The following FOXN3 variants were observed in gnomAD, a reference collection of about 807,000 sequenced individuals.
FOXN3 encodes forkhead box protein N3.
FOXN3 carries 7 observed loss-of-function variants against 38.4 expected under a neutral mutation model. The observed-to-expected ratio is 0.18, with a 90% confidence interval of 0.10 to 0.34. The LOEUF is 0.34. FOXN3 is among the 10% of genes least tolerant of loss of function. FOXN3 has a pLI of 1.00. For missense variants in FOXN3, 456 were observed against 613.4 expected (o/e 0.74, Z 2.71); for synonymous variants, 230 against 242.2 (o/e 0.95, Z 0.47).
intron 4 of FOXN3, among the ~76,000 whole-genome samples, chr14:89,226,867 A>G (rs1884656493): frequency 6.6e-6 from 1 of 152,222 alleles, no homozygotes; most frequent in Non-Finnish European, 1.5e-5. Context: ...CCAAGGAACT[A>G]CCAAAACCTC....
chr14:89,608,674 T>A (rs1480042274), intron 1 of FOXN3, among the ~76,000 whole-genome samples: 2 of 152,130 alleles, frequency 1.3e-5, no homozygotes, highest in Non-Finnish European at 2.9e-5. Context: ...CTGAGTTTGT[T>A]CCTCCTTCAT....
intron 2 of FOXN3, among the ~76,000 whole-genome samples, chr14:89,375,156 A>G (rs1890439554): frequency 6.6e-6 from 1 of 152,130 alleles, no homozygotes; most frequent in Non-Finnish European, 1.5e-5. Context: ...TTCATGATGA[A>G]ACTGTTCTAT....
chr14:89,616,226 G>A (rs1329476510), intron 1 of FOXN3, among the ~76,000 whole-genome samples: 3 of 151,890 alleles, frequency 2.0e-5, no homozygotes, highest in East Asian at 3.9e-4. Flanking sequence ...TAGGGGGAGG[G>A]GAGGTCTCCA....
At chr14:89,197,594 C>T (rs1405328914) in intron 4 of FOXN3, among the ~76,000 whole-genome samples, 3 of 152,104 alleles carry the variant, frequency 2.0e-5, no homozygotes, top group South Asian at 2.1e-4. Context: ...ATCCAGAGTG[C>T]TGGATAGTTA....
intron 3 of FOXN3, among the ~76,000 whole-genome samples, chr14:89,334,006 A>ATATATGTATG (rs1555418840): frequency 2.5e-3 from 124 of 49,236 alleles, no homozygotes; most frequent in African/African-American, 5.6e-3. Flanking sequence ...ATATATATAT[A>ATATATGTATG]TATGTATATA....
rs906443709 is a variant in FOXN3 at position 89,180,935 on chromosome 14, C to A, written c.746-129G>T. On this transcript the variant is annotated intron_variant, in intron 4 of 5. Coordinates refer to ENST00000557258, the MANE Select transcript of FOXN3 (RefSeq NM_005197.4). ...CAGAGGGCAGAGACAGAGAGAAACA[C>A]ACACACACACGTGCACATACACACA... 20 of 599,180 alleles carry A rather than the reference C, an allele frequency of 3.3e-5. No homozygotes were observed. The African/African-American group carries it at 4.0e-4, about 12-fold the overall frequency. The allele number at this position is 599,180 out of a possible 1,614,324, so 37.1% of individuals were successfully genotyped here.
intron 1 of FOXN3, among the ~76,000 whole-genome samples, chr14:89,555,575 T>G (rs1895100167): frequency 6.6e-6 from 1 of 152,226 alleles, no homozygotes; most frequent in Non-Finnish European, 1.5e-5. Context: ...TAGGTGATTT[T>G]CTAGTACTTC....
At chr14:89,604,246 C>T (rs890262875) in intron 1 of FOXN3, among the ~76,000 whole-genome samples, 6 of 128,544 alleles carry the variant, frequency 4.7e-5, no homozygotes, top group South Asian at 2.5e-4. Flanking sequence ...CACACGTGCG[C>T]GCACACACAC....
At chr14:89,574,359 TG>T (rs1343566982) in intron 1 of FOXN3, among the ~76,000 whole-genome samples, 1 of 152,224 alleles carries the variant, frequency 6.6e-6, no homozygotes, top group African/African-American at 2.4e-5. Context: ...ATTCGTTCCA[TG>T]GTTCTAACTT....
chr14:89,284,495 C>T, intron 3 of FOXN3: 1 of 456,096 alleles, frequency 2.2e-6, no homozygotes, highest in Admixed American at 2.3e-5. Context: ...TTCTGCTCTT[C>T]CAGCACTAAA....
At chr14:89,195,136 C>T (rs1429112904) in intron 4 of FOXN3, among the ~76,000 whole-genome samples, 1 of 152,216 alleles carries the variant, frequency 6.6e-6, no homozygotes, top group Non-Finnish European at 1.5e-5. Flanking sequence ...AACTTGTGCT[C>T]AGCACGGTAC....
chr14:89,238,461 A>C (rs1394378577), intron 4 of FOXN3, among the ~76,000 whole-genome samples: 1 of 152,228 alleles, frequency 6.6e-6, no homozygotes, highest in African/African-American at 2.4e-5. Flanking sequence ...TAAGAACTTC[A>C]CTTGCCACTG....
intron 1 of FOXN3, among the ~76,000 whole-genome samples, chr14:89,450,822 T>A (rs970982666): frequency 1.3e-5 from 2 of 152,154 alleles, no homozygotes; most frequent in African/African-American, 4.8e-5. Flanking sequence ...CCTGATCTGG[T>A]GATCCGCCCA....
At position 89,511,194 on chromosome 14, in the gene FOXN3, C is replaced by CTTTTG. The variant is rs1371537128; in HGVS notation, c.-14-98705_-14-98704insCAAAA. 2.4e-4 allele frequency among the ~76,000 whole-genome samples: 3 copies of CTTTTG among 12,660 alleles called. 1 individual carries two copies. The highest frequency in any genetic ancestry group is 1.6e-3 in the South Asian group (1 of 626). 8.3% of individuals were successfully genotyped at this position (12,660 alleles called of 152,430 possible). A position where few individuals can be genotyped will look rare whatever the true frequency, so the allele number is the denominator to read the frequency against. On this transcript the variant is annotated intron_variant, in intron 1 of 6. Coordinates refer to the FOXN3 transcript ENST00000345097. ...CTTTCTTTCTTTCTTTCTTTCTTTT[C>CTTTTG]TTTCTTTCTTTTCTTTCTTTCTTTC...
chr14:89,192,351 T>G (rs1430632909), intron 4 of FOXN3, among the ~76,000 whole-genome samples: 2 of 145,606 alleles, frequency 1.4e-5, no homozygotes, highest in Non-Finnish European at 3.0e-5. Flanking sequence ...TATGTAATAG[T>G]ATACAGTTTA....
At chr14:89,580,974 G>A (rs1895727671) in intron 1 of FOXN3, among the ~76,000 whole-genome samples, 1 of 151,172 alleles carries the variant, frequency 6.6e-6, no homozygotes, top group Non-Finnish European at 1.5e-5. Context: ...CCTGAGCCAA[G>A]AAGTTCAAGA....
intron 1 of FOXN3, among the ~76,000 whole-genome samples, chr14:89,616,521 A>ACCCCCCCCCCCCCCCCCCCC (rs1161046760): frequency 9.4e-5 from 13 of 137,888 alleles, no homozygotes; most frequent in Non-Finnish European, 1.7e-4. Context: ...TCACTCCCCA[A>ACCCCCCCCCCCCCCCCCCCC]CCCCACCCCC....
At chr14:89,311,542 T>C (rs1236327281) in intron 3 of FOXN3, among the ~76,000 whole-genome samples, 2 of 144,390 alleles carry the variant, frequency 1.4e-5, no homozygotes, top group Admixed American at 7.0e-5. Flanking sequence ...ACTAGATACC[T>C]GTGGCCGGGT....
At chr14:89,591,349 T>G (rs1212413538) in intron 1 of FOXN3, among the ~76,000 whole-genome samples, 1 of 152,194 alleles carries the variant, frequency 6.6e-6, no homozygotes, top group African/African-American at 2.4e-5. Flanking sequence ...GCTCCCAGAA[T>G]GCCAGCACCC....
Sources: gnomAD v4.1 joint callset for allele counts (sites outside exome capture counted in the v4.1 genomes callset) on GRCh38, gnomAD v4.1.1 for gene constraint, MANE v1.5 for transcripts, NCBI Gene and HGNC (gene_info 2026-07-23, HGNC 2026-07-21) for gene names.